The following EPB41L1 variants were observed in gnomAD, a reference collection of about 807,000 sequenced individuals.
The protein encoded by EPB41L1 is erythrocyte membrane protein band 4.1 like 1.
A neutral mutation model predicts 97.8 loss-of-function variants in EPB41L1; 29 were observed. The observed-to-expected ratio is 0.30, with a 90% confidence interval of 0.22 to 0.40. The LOEUF (loss-of-function observed/expected upper bound fraction) is 0.40, where lower values mean the gene tolerates loss of function less well. EPB41L1 is among the 10% of genes least tolerant of loss of function. The probability of loss-of-function intolerance (pLI) is 1.00; values close to 1 mark genes in which losing one functional copy is unlikely to be tolerated. For synonymous variants in EPB41L1, 383 were observed against 459.2 expected (o/e 0.83, Z 2.12); for missense variants, 812 against 1,162.3 (o/e 0.70, Z 4.38).
chr20:36,218,597 C>T (rs1430233844), intron 17 of EPB41L1, among the ~76,000 whole-genome samples: 2 of 152,156 alleles, frequency 1.3e-5, no homozygotes, highest in African/African-American at 2.4e-5. Flanking sequence ...CTAGTGCTTC[C>T]GGAGAACAAT....
rs969427604 is a variant in EPB41L1, at chr20:36,207,768, T to C, written c.1669-1720T>C. ...GCTGTGAAACCACGCTGGCAGAAGC[T>C]ACTGGAACTGGGGTAACTGGCCGCG... On this transcript the variant is annotated intron_variant, in intron 14 of 21. Transcript: ENST00000338074. The surrounding 1 kb of genome is among the most constrained non-coding windows in gnomAD (Gnocchi z 4.9). 6.2e-6 allele frequency: 8 copies of C among 1,289,392 alleles called. No individual in the cohort carries two copies. The highest frequency in any genetic ancestry group is 8.1e-6 in the Non-Finnish European group (8 of 988,498). 79.9% of individuals were successfully genotyped at this position (1,289,392 alleles called of 1,614,324 possible).
At chr20:36,099,878 A>G (rs1208401526) in intron 1 of EPB41L1, among the ~76,000 whole-genome samples, 1 of 152,176 alleles carries the variant, frequency 6.6e-6, no homozygotes, top group Non-Finnish European at 1.5e-5. Flanking sequence ...TGGGCTCTGC[A>G]TATGTTCCAG....
At chr20:36,175,848 C>A in intron 3 of EPB41L1, 133 bp downstream of exon 3, 1 of 939,760 alleles carries the variant, frequency 1.1e-6, no homozygotes, top group Non-Finnish European at 1.7e-6. Flanking sequence ...AGAGAGATGA[C>A]CTGGCTCGGA....
Position 36,190,899 on chromosome 20 carries a change from C to CAT in EPB41L1, c.1300+103_1300+104dup. 6 of 1,472,822 alleles carry CAT rather than the reference C, an allele frequency of 4.1e-6. No homozygotes were observed. Among genetic ancestry groups the CAT allele is most frequent in the Non-Finnish European group, 5.5e-6 (6 of 1,083,302 alleles). 91.2% of individuals were successfully genotyped at this position (1,472,822 alleles called of 1,614,324 possible). A position where few individuals can be genotyped will look rare whatever the true frequency, so the allele number is the denominator to read the frequency against. Reference sequence around the variant, plus strand: ...AGAATGAGCAGGAAAATGGTAGATGCATCCCAAGTTCATCTGCACCAGGCT... The same window carrying CAT: ...AGAATGAGCAGGAAAATGGTAGATGCATATCCCAAGTTCATCTGCACCAGGCT... On this transcript the variant is annotated intron_variant, in intron 11 of 21. Coordinates refer to ENST00000338074, the MANE Select transcript of EPB41L1 (RefSeq NM_012156.2). This position sits in a 1 kb window ranked among gnomAD's most constrained non-coding sequence, Gnocchi z 5.8.
intron 2 of EPB41L1, among the ~76,000 whole-genome samples, chr20:36,133,785 A>G (rs2059311785): frequency 6.7e-6 from 1 of 148,862 alleles, no homozygotes; most frequent in Admixed American, 6.8e-5. Flanking sequence ...TGAGCCTAGG[A>G]GGTTGAGGCT....
In EPB41L1 at chr20:36,212,094, G is replaced by T. The variant is rs1037634271; in HGVS notation, c.2080-178G>T. Among the ~76,000 whole-genome samples, 1 of 152,170 alleles carries T rather than the reference G, an allele frequency of 6.6e-6. No individual in the cohort carries two copies. Among genetic ancestry groups the T allele is most frequent in the Non-Finnish European group, 1.5e-5 (1 of 68,032 alleles). ...TGGTGGTGGTCCTGGCTCTCCTCGC[G>T]GGCTATCTGTCTATGATATCACACC... is the stretch of plus-strand genomic sequence containing the variant. On this transcript the variant is annotated intron_variant, in intron 15 of 21. Transcript: ENST00000338074. The surrounding 1 kb of genome is among the most constrained non-coding windows in gnomAD (Gnocchi z 4.8).
chr20:36,158,025 C>T (rs377162166), intron 1 of EPB41L1, among the ~76,000 whole-genome samples: 3 of 152,304 alleles, frequency 2.0e-5, no homozygotes, highest in African/African-American at 4.8e-5. Context: ...ACAACTCATA[C>T]GTTCTTCACA....
Position 36,173,910 on chromosome 20 carries a change from A to G in EPB41L1, c.133A>G (p.Asn45Asp). 9.9e-6 allele frequency: 16 copies of G among 1,613,818 alleles called. No individual in the cohort carries two copies. Among genetic ancestry groups the G allele is most frequent in the Non-Finnish European group, 1.4e-5 (16 of 1,179,848 alleles). Residue 45 changes from asparagine to aspartate, a missense_variant, in exon 2 of 22, where the codon AAT becomes GAT. Transcript: ENST00000338074. ...CCACGGCCACCCAGAGGCCAACTCC[A>G]ATGAGAAGCATCCATCCCAGCAGGA... is the stretch of plus-strand genomic sequence containing the variant. ...AGHGHPEANS[N>D]EKHPSQQDTR... is the part of the protein sequence containing the mutation.
In EPB41L1 at chr20:36,113,184, C is replaced by T. The variant is rs967893782; in HGVS notation, c.-10+704C>T. Among the ~76,000 whole-genome samples, 6 of 152,248 alleles carry T rather than the reference C, an allele frequency of 3.9e-5. No individual in the cohort carries two copies. The East Asian group carries it at 1.2e-3, about 29-fold the overall frequency. On this transcript the variant is annotated intron_variant, in intron 2 of 19. Transcript: ENST00000202028. ...GCCCGGGGCGTGTCAAAGCTTCTTC[C>T]CAACTTGGAGGTGCTGTGATTCTGG...
chr20:36,146,706 G>A (rs1176952274), intron 2 of EPB41L1, among the ~76,000 whole-genome samples: 1 of 152,138 alleles, frequency 6.6e-6, no homozygotes, highest in Non-Finnish European at 1.5e-5. Flanking sequence ...TGGGTGGAGT[G>A]GGCACCTGGG....
rs2064382612 is a variant in EPB41L1, at chr20:36,229,318, C to G, written c.2638-14C>G. 2 of 1,575,506 alleles carry G rather than the reference C, an allele frequency of 1.3e-6. No homozygotes were observed. The highest frequency in any genetic ancestry group is 1.7e-6 in the Non-Finnish European group (2 of 1,155,138). ...TCCCCACCCCCCATTCTACCCCATG[C>G]CTCTGGCTTCCAGGAATCCTGACCT... On this transcript the variant is annotated splice_polypyrimidine_tract_variant and intron_variant, in intron 21 of 21. Transcript: ENST00000338074.
In EPB41L1 at chr20:36,154,884, A is replaced by C. The variant is rs6058419; in HGVS notation, c.-27A>C. The C allele has an allele frequency of 0.088, 90,272 of 1,021,720 alleles. 5,721 individuals are homozygous for C. Among genetic ancestry groups the C allele is most frequent in the African/African-American group, 0.3 (17,028 of 57,392 alleles). The allele number at this position is 1,021,720 out of a possible 1,614,324, so 63.3% of individuals were successfully genotyped here. On this transcript the variant is annotated 5_prime_UTR_variant, in exon 1 of 22. Transcript: ENST00000338074. This position sits in a 1 kb window ranked among gnomAD's most constrained non-coding sequence, Gnocchi z 5.5. ...TCGCCCAACCTGCCCGACATGGGGAACCCCGGGCCCAGGTAGGCACATGGG... is the reference window on the plus strand; with the variant it reads ...TCGCCCAACCTGCCCGACATGGGGACCCCCGGGCCCAGGTAGGCACATGGG...
At chr20:36,179,520 C>G (rs983507622) in intron 5 of EPB41L1, among the ~76,000 whole-genome samples, 1 of 152,240 alleles carries the variant, frequency 6.6e-6, no homozygotes, top group Non-Finnish European at 1.5e-5. Context: ...ACAACCTGTC[C>G]TTTCTGGCCC....
At chr20:36,214,309 CA>C in intron 16 of EPB41L1, 47 bp from the exon 17 acceptor site, 1 of 1,485,470 alleles carries the variant, frequency 6.7e-7, no homozygotes. Flanking sequence ...ACAGATGCTG[CA>C]GGTATACCCA....
At chr20:36,166,542 A>G (rs1307334632) in intron 1 of EPB41L1, among the ~76,000 whole-genome samples, 1 of 152,244 alleles carries the variant, frequency 6.6e-6, no homozygotes, top group African/African-American at 2.4e-5. Flanking sequence ...ATAAAAAGAA[A>G]TAAGTAAATC....
At chr20:36,219,707 A>C in intron 18 of EPB41L1, 54 bp from the exon 19 acceptor site, 37 of 1,474,732 alleles carry the variant, frequency 2.5e-5, no homozygotes, top group Non-Finnish European at 3.1e-5. Context: ...TCACCCCTCC[A>C]GAGCCCACTG....
intron 6 of EPB41L1, among the ~76,000 whole-genome samples, chr20:36,183,903 T>C (rs2061569310): frequency 6.6e-6 from 1 of 152,090 alleles, no homozygotes; most frequent in South Asian, 2.1e-4. Context: ...TGAAATAATG[T>C]CACCAAGTAG....
chr20:36,188,507 T>G lies in EPB41L1; in HGVS notation c.1026+8T>G. On this transcript the variant is annotated splice_region_variant and intron_variant, in intron 9 of 21. Coordinates refer to ENST00000338074, the MANE Select transcript of EPB41L1 (RefSeq NM_012156.2). ...AAGATCCGGCCTGGGGAGGTGAGTC[T>G]GCCTTGGGAAACACTCCTCCTCACC... The G allele has an allele frequency of 6.2e-7, 1 of 1,610,602 alleles. No individual in the cohort carries two copies. Among genetic ancestry groups the G allele is most frequent in the Non-Finnish European group, 8.5e-7 (1 of 1,178,848 alleles).
Position 36,175,568 on chromosome 20 carries a change from G to T in EPB41L1, c.195G>T (p.Glu65Asp). The T allele has an allele frequency of 6.2e-7, 1 of 1,614,216 alleles. No homozygotes were observed. Among genetic ancestry groups the T allele is most frequent in the Non-Finnish European group, 8.5e-7 (1 of 1,180,036 alleles). The change falls in exon 3 of 22, where the codon GAG (glutamate) becomes GAT (aspartate). Residue 65 changes from glutamate (E) to aspartate (D), a missense_variant. Physicochemically the swap from Glu to Asp is conservative, Grantham distance 45. Transcript: ENST00000338074. ...TCCTGCAGAGCCTAGACATGGAGGA[G>T]AAGGACTACAGTGAGGCCGATGGCC... Reference protein sequence around the residue: ...RPAEQSLDMEEKDYSEADGLS... With the variant: ...RPAEQSLDMEDKDYSEADGLS...
Sources: gnomAD v4.1 joint callset for allele counts (sites outside exome capture counted in the v4.1 genomes callset) on GRCh38, gnomAD v4.1.1 for gene constraint, Gnocchi (gnomAD v3.1) non-coding constraint, MANE v1.5 for transcripts, NCBI Gene and HGNC (gene_info 2026-07-23, HGNC 2026-07-21) for gene names.